CEP57: variants seen among roughly 807,000 people sequenced by gnomAD.
The protein encoded by CEP57 is centrosomal protein 57.
Under a neutral mutation model 68.0 loss-of-function variants are expected in CEP57, and 40 were observed. The observed-to-expected ratio is 0.59, with a 90% CI of 0.46 to 0.77. CEP57 has a LOEUF of 0.77. Ranked by LOEUF, CEP57 falls within the 30% of genes least tolerant of loss-of-function variation. CEP57 has a pLI of 0.00. For missense variants in CEP57, 606 were observed against 580.7 expected, an observed-to-expected ratio of 1.04 and a Z score of -0.45; for synonymous variants, 219 against 198.7, an observed-to-expected ratio of 1.10 and a Z score of -0.86.
At chr11:95,807,601 G>C (rs757422366) in intron 2 of CEP57, among the ~76,000 whole-genome samples, 19 of 152,170 alleles carry the variant, frequency 1.2e-4, no homozygotes, top group Non-Finnish European at 2.5e-4. Flanking sequence ...ATTCAATCAA[G>C]TGGAAGAAAG....
intron 1 of CEP57, among the ~76,000 whole-genome samples, chr11:95,794,985 A>AC (rs1203691620): frequency 3.9e-5 from 6 of 152,132 alleles, no homozygotes; most frequent in African/African-American, 1.4e-4. Context: ...TGGGTGTGTT[A>AC]CCTGGCTCTT....
At chr11:95,812,338 C>T (rs1174519837) in intron 2 of CEP57, among the ~76,000 whole-genome samples, 1 of 151,888 alleles carries the variant, frequency 6.6e-6, no homozygotes, top group African/African-American at 2.4e-5. Flanking sequence ...AATTTTTTAC[C>T]ACTTTATAAA....
intron 8 of CEP57, 101 bp downstream of exon 8, chr11:95,822,677 G>GTGCCTTTACCAGCGTGTGGATCA: frequency 1.1e-6 from 1 of 887,478 alleles, no homozygotes; most frequent in Non-Finnish European, 1.9e-6. Flanking sequence ...ACATTTTTCT[G>GTGCCTTTACCAGCGTGTGGATCA]TGCCTTTACC....
intron 1 of CEP57, among the ~76,000 whole-genome samples, chr11:95,793,496 A>G (rs913193818): frequency 2.0e-5 from 3 of 152,214 alleles, no homozygotes; most frequent in African/African-American, 7.2e-5. Context: ...ATTTTATAAT[A>G]TTAAATATAA....
intron 1 of CEP57, among the ~76,000 whole-genome samples, chr11:95,795,724 T>G (rs1242402760): frequency 1.3e-5 from 2 of 152,174 alleles, no homozygotes; most frequent in Non-Finnish European, 2.9e-5. Flanking sequence ...CTTTTCTACA[T>G]TTGTTGACGA....
At chr11:95,830,269 G>A (rs1179839688) in intron 10 of CEP57, among the ~76,000 whole-genome samples, 1 of 152,170 alleles carries the variant, frequency 6.6e-6, no homozygotes, top group Admixed American at 6.5e-5. Context: ...CCAGCTTACT[G>A]GGAAATGGCA....
chr11:95,813,095 A>C lies in CEP57; in HGVS notation c.366A>C (p.Glu122Asp), dbSNP rs375567801. ...IQERENSKNE[E>D]SKHNQELTSQ... is the part of the protein sequence containing the mutation. Reference sequence around the variant, plus strand: ...AAAGGGAGAATTCAAAGAATGAGGAATCAAAGCACAATCAAGGTTTGTTGA... The same window carrying C: ...AAAGGGAGAATTCAAAGAATGAGGACTCAAAGCACAATCAAGGTTTGTTGA... Residue 122 changes from glutamate (E) to aspartate (D), a missense_variant, in exon 3 of 11, where the codon GAA (glutamate) becomes GAC (aspartate). Transcript: ENST00000325542. 40 of 1,612,676 alleles carry C rather than the reference A, an allele frequency of 2.5e-5. No individual in the cohort carries two copies. Among genetic ancestry groups the C allele is most frequent in the Non-Finnish European group, 3.3e-5 (39 of 1,179,926 alleles).
intron 2 of CEP57, among the ~76,000 whole-genome samples, chr11:95,808,573 G>A (rs895465196): frequency 6.6e-6 from 1 of 152,064 alleles, no homozygotes; most frequent in African/African-American, 2.4e-5. Context: ...TGCAATCCTA[G>A]TCTCTGATAA....
intron 2 of CEP57, among the ~76,000 whole-genome samples, chr11:95,804,827 T>A (rs1439606498): frequency 6.6e-6 from 1 of 152,218 alleles, no homozygotes; most frequent in Non-Finnish European, 1.5e-5. Context: ...CAATAAAATG[T>A]TTATAATTAC....
chr11:95,811,285 A>G (rs1241282477), intron 2 of CEP57, among the ~76,000 whole-genome samples: 1 of 152,146 alleles, frequency 6.6e-6, no homozygotes, highest in Non-Finnish European at 1.5e-5. Flanking sequence ...TTGTAGGGAC[A>G]TGGATGAAGC....
At chr11:95,790,265 C>G, upstream of CEP57, 1 of 251,178 alleles carries the variant, frequency 4.0e-6, no homozygotes, top group Non-Finnish European at 7.9e-6. Flanking sequence ...CCATTACTCC[C>G]TTCAGTTGCC....
intron 6 of CEP57, among the ~76,000 whole-genome samples, chr11:95,820,580 A>G (rs1239744402): frequency 6.5e-5 from 4 of 61,960 alleles, no homozygotes; most frequent in Non-Finnish European, 1.7e-4. Flanking sequence ...CAACAAGAGC[A>G]AAAAAAAAAA....
intron 1 of CEP57, chr11:95,794,109 TGTAAAA>T (rs1429613893): frequency 2.9e-6 from 1 of 342,318 alleles, no homozygotes; most frequent in East Asian, 7.4e-5. Context: ...TCTGCAGAAA[TGTAAAA>T]TAGTGCCATT....
intron 3 of CEP57, 120 bp from the exon 4 acceptor site, chr11:95,813,348 C>G: frequency 8.1e-7 from 1 of 1,228,358 alleles, no homozygotes; most frequent in Admixed American, 2.2e-5. Flanking sequence ...TCTGAAAAGG[C>G]GTCCAGGTCT....
intron 9 of CEP57, 107 bp from the exon 10 acceptor site, chr11:95,829,079 TG>T: frequency 8.5e-7 from 1 of 1,176,640 alleles, no homozygotes; most frequent in Non-Finnish European, 1.2e-6. Context: ...GTTCAAAAAA[TG>T]GAGTCATTTT....
At chr11:95,815,497 C>T (rs956981031) in intron 4 of CEP57, among the ~76,000 whole-genome samples, 2 of 145,496 alleles carry the variant, frequency 1.4e-5, no homozygotes, top group Non-Finnish European at 3.1e-5. Context: ...TATTGATTCT[C>T]CCTTATGGTA....
chr11:95,810,793 A>T (rs553326562), intron 2 of CEP57, among the ~76,000 whole-genome samples: 2 of 152,226 alleles, frequency 1.3e-5, no homozygotes, highest in African/African-American at 4.8e-5. Flanking sequence ...TATAGATTCA[A>T]TGCCATCCCC....
intron 4 of CEP57, among the ~76,000 whole-genome samples, chr11:95,816,129 G>A (rs993061811): frequency 2.0e-5 from 3 of 152,168 alleles, no homozygotes; most frequent in Non-Finnish European, 2.9e-5. Flanking sequence ...CTGTATGTCT[G>A]TTGGGGGGAC....
chr11:95,790,866 T>C lies in CEP57; in HGVS notation c.45+123T>C. ...AATTCTGGAGGTCGGCGGGAATGCC[T>C]AGATTGCCCCGCGCTCCCCAAGCTT... On this transcript the variant is annotated intron_variant, in intron 1 of 10. Coordinates refer to ENST00000325542, the MANE Select transcript of CEP57 (RefSeq NM_014679.5). 9 of 1,113,794 alleles carry C rather than the reference T, an allele frequency of 8.1e-6. No individual in the cohort carries two copies. In the South Asian group the frequency reaches 1.2e-4, roughly 15 times the overall value. The allele number at this position is 1,113,794 out of a possible 1,614,324, so 69.0% of individuals were successfully genotyped here. A position where few individuals can be genotyped will look rare whatever the true frequency, so the allele number is the denominator to read the frequency against.
Sources: gnomAD v4.1 joint callset for allele counts (sites outside exome capture counted in the v4.1 genomes callset) on GRCh38, gnomAD v4.1.1 for gene constraint, MANE v1.5 for transcripts, NCBI Gene and HGNC (gene_info 2026-07-23, HGNC 2026-07-21) for gene names.